Variants in TBXAS1 observed in about 807,000 individuals in gnomAD.
TBXAS1 encodes thromboxane-A synthase.
Under a neutral mutation model 60.7 loss-of-function variants are expected in TBXAS1, and 48 were observed. That is an observed-to-expected ratio of 0.79 (90% CI 0.63 to 1.01). The LOEUF is 1.01. Ranked by LOEUF, TBXAS1 falls within the 50% of genes least tolerant of loss-of-function variation. TBXAS1 has a pLI of 0.00. For synonymous variants in TBXAS1, 287 were observed against 269.7 expected (o/e 1.06, Z -0.63); for missense variants, 685 against 686.3 (o/e 1.00, Z 0.02).
At chr7:139,879,208 C>T (rs997720654) in intron 3 of TBXAS1, among the ~76,000 whole-genome samples, 4 of 152,212 alleles carry the variant, frequency 2.6e-5, no homozygotes, top group African/African-American at 9.6e-5. Context: ...CCACCATCAC[C>T]ACCACCATCA....
chr7:139,994,317 A>C (rs1402491579), intron 9 of TBXAS1, among the ~76,000 whole-genome samples: 6 of 152,260 alleles, frequency 3.9e-5, no homozygotes, highest in Admixed American at 3.9e-4. Flanking sequence ...TGCTGGGATT[A>C]CAGGCGTGAG....
At chr7:140,005,260 C>G (rs776209165) in intron 9 of TBXAS1, among the ~76,000 whole-genome samples, 1 of 152,154 alleles carries the variant, frequency 6.6e-6, no homozygotes, top group Non-Finnish European at 1.5e-5. Flanking sequence ...GAAACCCCAT[C>G]TCTACTAAAA....
chr7:139,779,215 A>G (rs1011842938), intron 1 of TBXAS1, among the ~76,000 whole-genome samples: 1 of 152,136 alleles, frequency 6.6e-6, no homozygotes, highest in Non-Finnish European at 1.5e-5. Flanking sequence ...CAACCTCGTG[A>G]TTTTCTCACT....
intron 4 of TBXAS1, among the ~76,000 whole-genome samples, chr7:139,922,854 C>T (rs1157689825): frequency 2.6e-5 from 4 of 152,174 alleles, no homozygotes; most frequent in African/African-American, 9.7e-5. Context: ...CCAATTGCCC[C>T]AGTACCATTG....
chr7:139,797,208 A>G (rs1417390144), intron 4 of TBXAS1: 2 of 152,242 alleles, frequency 1.3e-5, no homozygotes, highest in Non-Finnish European at 2.9e-5. Flanking sequence ...TATTTTTCAC[A>G]GAAGCTTTGA....
At chr7:139,833,180 A>C (rs1009617855) in intron 1 of TBXAS1, among the ~76,000 whole-genome samples, 1 of 152,248 alleles carries the variant, frequency 6.6e-6, no homozygotes, top group Non-Finnish European at 1.5e-5. Context: ...TAAATGCTCC[A>C]CTTAAAAGAT....
chr7:139,872,415 G>A, intron 2 of TBXAS1, 87 bp downstream of exon 2: 1 of 1,352,086 alleles, frequency 7.4e-7, no homozygotes, highest in South Asian at 1.2e-5. Context: ...AGCACTTTGG[G>A]AGGCCGAAGC....
At chr7:139,823,207 T>A (rs1798345626) in intron 4 of TBXAS1, among the ~76,000 whole-genome samples, 1 of 151,974 alleles carries the variant, frequency 6.6e-6, no homozygotes, top group Non-Finnish European at 1.5e-5. Context: ...GTGCCCTGCA[T>A]GTATTTGTGT....
intron 9 of TBXAS1, among the ~76,000 whole-genome samples, chr7:140,001,065 G>A (rs965619196): frequency 5.9e-5 from 9 of 152,172 alleles, no homozygotes; most frequent in African/African-American, 2.2e-4. Flanking sequence ...ACAGAACCCT[G>A]CCCTTTGCCT....
intron 2 of TBXAS1, among the ~76,000 whole-genome samples, chr7:139,782,166 G>T (rs1194515387): frequency 3.3e-5 from 5 of 151,546 alleles, no homozygotes; most frequent in Non-Finnish European, 7.4e-5. Context: ...TTAGCAGTCA[G>T]TGTTCTAAGG....
At chr7:139,907,487 T>C (rs1480760015) in intron 3 of TBXAS1, among the ~76,000 whole-genome samples, 1 of 152,156 alleles carries the variant, frequency 6.6e-6, no homozygotes, top group Non-Finnish European at 1.5e-5. Flanking sequence ...TTGTAGTATC[T>C]TTGGCTGGTT....
intron 4 of TBXAS1, among the ~76,000 whole-genome samples, chr7:139,788,925 T>C (rs1028343730): frequency 1.3e-5 from 2 of 152,250 alleles, no homozygotes; most frequent in Non-Finnish European, 2.9e-5. Flanking sequence ...CTGAATATTT[T>C]TGAGCAGGAG....
intron 4 of TBXAS1, among the ~76,000 whole-genome samples, chr7:139,805,119 T>C (rs558372679): frequency 1.2e-4 from 18 of 152,242 alleles, no homozygotes; most frequent in Admixed American, 1.0e-3. Flanking sequence ...GTGCTGGGGG[T>C]GTCCTAACAG....
At chr7:139,816,834 A>G (rs1410207149) in intron 4 of TBXAS1, among the ~76,000 whole-genome samples, 1 of 151,246 alleles carries the variant, frequency 6.6e-6, no homozygotes, top group South Asian at 2.1e-4. Context: ...CCTGTCTCTG[A>G]CTCCCCCATC....
chr7:139,883,005 C>T (rs1391586004), intron 3 of TBXAS1, among the ~76,000 whole-genome samples: 1 of 152,130 alleles, frequency 6.6e-6, no homozygotes, highest in Non-Finnish European at 1.5e-5. Context: ...TTAGGGGGGC[C>T]ATTATTCTCT....
At chr7:139,998,565 A>G (rs1305853743) in intron 9 of TBXAS1, among the ~76,000 whole-genome samples, 2 of 152,240 alleles carry the variant, frequency 1.3e-5, no homozygotes, top group Non-Finnish European at 2.9e-5. Flanking sequence ...CATCTATAAA[A>G]TAGACAATAA....
At chr7:139,962,361 G>A in intron 9 of TBXAS1, 128 bp downstream of exon 9, 1 of 1,178,582 alleles carries the variant, frequency 8.5e-7, no homozygotes, top group Non-Finnish European at 1.2e-6. Context: ...ATGAAATAGG[G>A]TCATTGCTTG....
intron 9 of TBXAS1, among the ~76,000 whole-genome samples, chr7:139,991,161 T>C (rs950788548): frequency 3.3e-5 from 5 of 152,232 alleles, no homozygotes; most frequent in Non-Finnish European, 5.9e-5. Context: ...GGAACTCGTT[T>C]CGATTTTGTT....
Position 140,001,122 on chromosome 7 carries a change from AG to A in TBXAS1, c.1135-5962del, listed in dbSNP as rs373050484. On this transcript the variant is annotated intron_variant, in intron 9 of 12. Transcript: ENST00000448866. The stretch of plus-strand genomic sequence containing the variant: ...GGCCAAGGTCAAGGGGAGGCGCTGC[AG>A]GGGGGGCTTCCTCATTGGGTGTGGA... Among the ~76,000 whole-genome samples the A allele has an allele frequency of 2.6e-4, 40 of 152,240 alleles. 2 individuals are homozygous for A. The South Asian group carries it at 6.4e-3, about 24-fold the overall frequency.
Sources: allele counts gnomAD v4.1 joint callset (sites outside exome capture counted in the v4.1 genomes callset), GRCh38; gene constraint gnomAD v4.1.1; transcripts MANE v1.5; gene names NCBI Gene and HGNC (gene_info 2026-07-23, HGNC 2026-07-21).